The following SULT1C2 variants were observed in gnomAD, a reference collection of about 807,000 sequenced individuals.
The protein encoded by SULT1C2 is sulfotransferase family 1C member 2.
Under a neutral mutation model 36.0 loss-of-function variants are expected in SULT1C2, and 27 were observed. The observed-to-expected ratio is 0.75, with a 90% CI of 0.55 to 1.03. SULT1C2 has a LOEUF of 1.03. Among genes scored for constraint, SULT1C2 ranks in the 50% least tolerant of loss-of-function variants. The probability of loss-of-function intolerance (pLI) is 0.00; values close to 1 mark genes in which losing one functional copy is unlikely to be tolerated. For synonymous variants in SULT1C2, 121 were observed against 116.0 expected (o/e 1.04, Z -0.27); for missense variants, 395 against 359.2 (o/e 1.10, Z -0.80).
In SULT1C2 at chr2:108,294,207, A is replaced by C. The variant is rs1558676917; in HGVS notation, c.152-22A>C. ...ATTGTCTAACAGATTTCTGCTTCTC[A>C]TCCTTCCTTTCTGAGCCTCAGGGAC... On this transcript the variant is annotated intron_variant, in intron 2 of 7. Coordinates refer to ENST00000251481, the MANE Select transcript of SULT1C2 (RefSeq NM_001056.4). The C allele has an allele frequency of 4.3e-6, 7 of 1,612,602 alleles. No individual in the cohort carries two copies. In the South Asian group the frequency reaches 7.7e-5, roughly 18 times the overall value.
chr2:108,291,093 C>G (rs1382328048), intron 1 of SULT1C2, among the ~76,000 whole-genome samples: 1 of 152,188 alleles, frequency 6.6e-6, no homozygotes, highest in African/African-American at 2.4e-5. Context: ...CAAGCTCATT[C>G]TGGTTGTTGG....
intron 4 of SULT1C2, chr2:108,302,857 GA>G (rs1676917884): frequency 6.6e-6 from 1 of 152,156 alleles, no homozygotes; most frequent in Non-Finnish European, 1.5e-5. Flanking sequence ...ATAAAGTGCA[GA>G]ACAGCTGCAT....
intron 3 of SULT1C2, chr2:108,299,034 T>C (rs1676809513): frequency 6.5e-6 from 1 of 153,008 alleles, no homozygotes; most frequent in Non-Finnish European, 1.5e-5. Context: ...TTACCTCTCT[T>C]TGGCAGTAGG....
Position 108,294,409 on chromosome 2 carries a change from T to C in SULT1C2, c.277+55T>C, listed in dbSNP as rs970299121. 8 of 1,503,422 alleles carry C rather than the reference T, an allele frequency of 5.3e-6. No homozygotes were observed. In the African/African-American group the frequency reaches 1.1e-4, roughly 21 times the overall value. 93.1% of individuals were successfully genotyped at this position (1,503,422 alleles called of 1,614,324 possible). ...TGCTTTCTTTCCCTCTCTCTTCTGT[T>C]TTCCCCTGTCTTTTCTCACTTTTCT... is the stretch of plus-strand genomic sequence containing the variant. On this transcript the variant is annotated intron_variant, in intron 3 of 7. Transcript: ENST00000251481.
intron 4 of SULT1C2, 61 bp downstream of exon 4, chr2:108,300,996 C>T: frequency 1.9e-6 from 3 of 1,600,326 alleles, no homozygotes; most frequent in Non-Finnish European, 2.6e-6. Flanking sequence ...GCGAGTCCTG[C>T]AGACCCCAAC....
chr2:108,290,606 T>C (rs1676568079), intron 1 of SULT1C2, among the ~76,000 whole-genome samples: 1 of 152,138 alleles, frequency 6.6e-6, no homozygotes, highest in African/African-American at 2.4e-5. Flanking sequence ...CAGCTTCTCG[T>C]GAGGGCCATG....
Position 108,304,616 on chromosome 2 carries a change from T to A in SULT1C2, c.418T>A (p.Tyr140Asn), listed in dbSNP as rs761512900. ...ARNAKDCMVS[Y>N]YHFQRMNHML... ...AAATGCCAAAGACTGTATGGTTTCC[T>A]ACTACCATTTCCAAAGGATGAACCA... The change falls in exon 5 of 8, where the codon TAC becomes AAC. Residue 140 changes from tyrosine (Y) to asparagine (N), a missense_variant. Transcript: ENST00000251481. 27 of 1,613,778 alleles carry A rather than the reference T, an allele frequency of 1.7e-5. No homozygotes were observed. The South Asian group carries it at 2.9e-4, about 17-fold the overall frequency.
chr2:108,305,968 G>A (rs2104424571), intron 7 of SULT1C2, among the ~76,000 whole-genome samples: 1 of 152,348 alleles, frequency 6.6e-6, no homozygotes, highest in Non-Finnish European at 1.5e-5. Context: ...GGAGGGATGT[G>A]TCTTTGCTCC....
intron 3 of SULT1C2, among the ~76,000 whole-genome samples, chr2:108,296,545 G>A (rs1264666953): frequency 5.9e-5 from 9 of 151,718 alleles, no homozygotes; most frequent in Admixed American, 3.9e-4. Flanking sequence ...TCTGCCTCCC[G>A]GGTTCAAGCA....
intron 3 of SULT1C2, among the ~76,000 whole-genome samples, chr2:108,295,908 C>T (rs538155408): frequency 1.0e-3 from 157 of 152,296 alleles, no homozygotes; most frequent in African/African-American, 3.7e-3. Context: ...ATCTTCCCAC[C>T]TCAGACTCCT....
rs1285646904 is a variant in SULT1C2, at chr2:108,308,566, G to A, written c.*102G>A. ...GAATCTCTGAAAGCATATTGTGAAT[G>A]TATACAATGTAGTACAAACAATCTC... On this transcript the variant is annotated 3_prime_UTR_variant, in exon 8 of 8. Transcript: ENST00000251481. 3.3e-6 allele frequency: 3 copies of A among 909,020 alleles called. No individual in the cohort carries two copies. The highest frequency in any genetic ancestry group is 6.0e-5 in the Admixed American group (2 of 33,136). The allele number at this position is 909,020 out of a possible 1,614,324, so 56.3% of individuals were successfully genotyped here. A position where few individuals can be genotyped will look rare whatever the true frequency, so the allele number is the denominator to read the frequency against.
At chr2:108,300,565 C>T in intron 3 of SULT1C2, 1 of 469,452 alleles carries the variant, frequency 2.1e-6, no homozygotes. Flanking sequence ...GACTCTGCCT[C>T]AGCAGGACTT....
chr2:108,305,266 G>A lies in SULT1C2; in HGVS notation c.597G>A (p.Arg199=). 2 of 1,614,130 alleles carry A rather than the reference G, an allele frequency of 1.2e-6. No individual in the cohort carries two copies. The highest frequency in any genetic ancestry group is 1.7e-6 in the Non-Finnish European group (2 of 1,180,020). ...ILFLFYEDIK[R]DPKHEIRKVM... The stretch of plus-strand genomic sequence containing the variant: ...TCCTCTTCTATGAGGACATAAAGAG[G>A]GTGAGTGAAGGCTCTGCAGAAGAAC... Residue 199 remains arginine, a splice_region_variant and synonymous_variant, in exon 6 of 8, where the codon AGG becomes AGA. Coordinates refer to ENST00000251481, the MANE Select transcript of SULT1C2 (RefSeq NM_001056.4).
chr2:108,304,408 A>G, intron 4 of SULT1C2, 166 bp from the exon 5 acceptor site: 1 of 627,864 alleles, frequency 1.6e-6, no homozygotes, highest in Admixed American at 2.9e-5. Context: ...TTGGTGACAA[A>G]GCAGAGACAG....
intron 7 of SULT1C2, among the ~76,000 whole-genome samples, chr2:108,305,980 A>G (rs1420858873): frequency 1.3e-5 from 2 of 152,318 alleles, no homozygotes; most frequent in South Asian, 2.1e-4. Flanking sequence ...CTTTGCTCCA[A>G]AGCTCCACCA....
In SULT1C2 at chr2:108,301,018, G is replaced by T. The variant is rs1189830189; in HGVS notation, c.375+83G>T. On this transcript the variant is annotated intron_variant, in intron 4 of 7. Transcript: ENST00000251481. ...CTGCAGACCCCAACGCAGAGCATTC[G>T]TGATCACCTTTGCCTCTCCACTGTC... 3 of 1,552,792 alleles carry T rather than the reference G, an allele frequency of 1.9e-6. No individual in the cohort carries two copies. The African/African-American group carries it at 4.1e-5, about 21-fold the overall frequency.
chr2:108,304,672 G>C lies in SULT1C2; in HGVS notation c.474G>C (p.Glu158Asp). The C allele has an allele frequency of 1.2e-6, 2 of 1,613,644 alleles. No homozygotes were observed. The highest frequency in any genetic ancestry group is 1.7e-6 in the Non-Finnish European group (2 of 1,179,856). ...TTCCTGACCCTGGTACCTGGGAAGA[G>C]TATTTTGAAACCTTCATCAATGGAA... ...HMLPDPGTWE[E>D]YFETFINGKV... The change falls in exon 5 of 8, where the codon GAG becomes GAC. Residue 158 changes from glutamate (E) to aspartate (D), a missense_variant. Transcript: ENST00000251481.
In SULT1C2 at chr2:108,294,353, T is replaced by C; in HGVS notation, c.276T>C (p.Ser92=). 1 of 1,605,056 alleles carries C rather than the reference T, an allele frequency of 6.2e-7. No homozygotes were observed. ...FIEWARPPQP[S]GVEKAKAMPS... ...AGTGGGCTCGGCCACCCCAACCTTC[T>C]GGTGAGAGCACCTCCCTCTTTCTCT... The change falls in exon 3 of 8, where the codon TCT becomes TCC. Residue 92 remains serine (S), a splice_region_variant and synonymous_variant. Transcript: ENST00000251481.
intron 3 of SULT1C2, 180 bp from the exon 4 acceptor site, chr2:108,300,658 C>A (rs1676846365): frequency 1.9e-6 from 2 of 1,042,502 alleles, no homozygotes; most frequent in Non-Finnish European, 1.3e-6. Context: ...AGGACTCAAG[C>A]TGTGTGATTT....
Sources: gnomAD v4.1 joint callset for allele counts (sites outside exome capture counted in the v4.1 genomes callset) on GRCh38, gnomAD v4.1.1 for gene constraint, MANE v1.5 for transcripts, NCBI Gene and HGNC (gene_info 2026-07-23, HGNC 2026-07-21) for gene names.